ULK4: variants seen among roughly 807,000 people sequenced by gnomAD.
ULK4 encodes inactive serine/threonine-protein kinase ULK4.
Under a neutral mutation model 160.6 loss-of-function variants are expected in ULK4, and 133 were observed. The ratio of observed to expected loss-of-function variants is 0.83; its 90% confidence interval spans 0.72 to 0.96. ULK4 has a LOEUF of 0.96. Ranked by LOEUF, ULK4 falls within the 40% of genes least tolerant of loss-of-function variation. The probability of loss-of-function intolerance (pLI) is 0.00; values close to 1 mark genes in which losing one functional copy is unlikely to be tolerated. For synonymous variants in ULK4, 534 were observed against 539.8 expected, an observed-to-expected ratio of 0.99 and a Z score of 0.15; for missense variants, 1,580 against 1,499.5, an observed-to-expected ratio of 1.05 and a Z score of -0.89.
intron 32 of ULK4, among the ~76,000 whole-genome samples, chr3:41,502,434 C>G (rs991494997): frequency 2.0e-5 from 3 of 152,176 alleles, no homozygotes; most frequent in Non-Finnish European, 4.4e-5. Flanking sequence ...TATAACCCAG[C>G]AATCTCACCT....
chr3:41,463,012 TAAGAAAGAA>T, intron 33 of ULK4, 66 bp downstream of exon 33: 1 of 1,494,904 alleles, frequency 6.7e-7, no homozygotes, highest in Non-Finnish European at 9.1e-7. Context: ...TAGAGGAAGA[TAAGAAAGAA>T]GAGAATGAAA....
At chr3:41,892,414 G>A (rs1697999190) in intron 16 of ULK4, among the ~76,000 whole-genome samples, 2 of 152,146 alleles carry the variant, frequency 1.3e-5, no homozygotes, top group Admixed American at 6.5e-5. Flanking sequence ...CAGCAGCATT[G>A]TTCACAATAG....
At position 41,700,588 on chromosome 3, in the gene ULK4, G is replaced by A. The variant is rs556177483; in HGVS notation, c.2781+4469C>T. ...TGGCAGAGCCCTTAGGTGCCTGGCAGAAGGAAACATGCTATGGAGGAAGGA... is the reference window on the plus strand; with the variant it reads ...TGGCAGAGCCCTTAGGTGCCTGGCAAAAGGAAACATGCTATGGAGGAAGGA... On this transcript the variant is annotated intron_variant, in intron 27 of 36. Transcript: ENST00000301831. Among the ~76,000 whole-genome samples, 72 of 152,232 alleles carry A rather than the reference G, an allele frequency of 4.7e-4. 2 individuals are homozygous for A. Among genetic ancestry groups the A allele is most frequent in the African/African-American group, 1.6e-3 (66 of 41,526 alleles).
chr3:41,754,359 A>G lies in ULK4; in HGVS notation c.2321+2T>C, dbSNP rs772901897. 1.4e-5 allele frequency: 22 copies of G among 1,608,626 alleles called. No individual in the cohort carries two copies. Among genetic ancestry groups the G allele is most frequent in the Non-Finnish European group, 1.8e-5 (21 of 1,178,392 alleles). The stretch of plus-strand genomic sequence containing the variant: ...TGATGAAACCATCAGAGAAAATCTT[A>G]CCTTGCTTGGCAACTGAGCAGCAAC... On this transcript the variant is annotated splice_donor_variant, in intron 22 of 36. Transcript: ENST00000301831. LOFTEE classifies it high-confidence loss of function.
At position 41,626,273 on chromosome 3, in the gene ULK4, T is replaced by A. The variant is rs190405116; in HGVS notation, c.3072-10556A>T. Among the ~76,000 whole-genome samples the A allele has an allele frequency of 8.2e-3, 1,246 of 152,290 alleles. 9 individuals are homozygous for A. Among genetic ancestry groups the A allele is most frequent in the Non-Finnish European group, 0.012 (812 of 68,016 alleles). On this transcript the variant is annotated intron_variant, in intron 30 of 36. Coordinates refer to ENST00000301831, the MANE Select transcript of ULK4 (RefSeq NM_017886.4). ...TGTTACCCTTAATGTTGGAAAAAAA[T>A]TTTTTAATTTATTTATTAATGTTTG...
chr3:41,834,704 T>C (rs1360106837), intron 18 of ULK4, among the ~76,000 whole-genome samples: 1 of 152,232 alleles, frequency 6.6e-6, no homozygotes, highest in Non-Finnish European at 1.5e-5. Context: ...ACTAAGGATA[T>C]TGAGGTTATG....
intron 17 of ULK4, among the ~76,000 whole-genome samples, chr3:41,872,519 G>A (rs1697134550): frequency 6.6e-6 from 1 of 152,136 alleles, no homozygotes. Flanking sequence ...CCCTTGGTGT[G>A]AACTTAGCAC....
intron 32 of ULK4, among the ~76,000 whole-genome samples, chr3:41,499,844 G>A (rs1036070985): frequency 1.4e-4 from 22 of 152,046 alleles, no homozygotes; most frequent in Non-Finnish European, 3.1e-4. Flanking sequence ...ATAGTGTCTA[G>A]GTTTGAATGA....
At chr3:41,800,615 C>G (rs2040428025) in intron 19 of ULK4, among the ~76,000 whole-genome samples, 1 of 152,108 alleles carries the variant, frequency 6.6e-6, no homozygotes, top group Admixed American at 6.6e-5. Context: ...GGAAAATAAA[C>G]AAAATAACTA....
intron 33 of ULK4, among the ~76,000 whole-genome samples, chr3:41,459,816 G>A (rs1427833452): frequency 2.0e-5 from 3 of 152,174 alleles, no homozygotes; most frequent in African/African-American, 4.8e-5. Flanking sequence ...TGGGGTATGG[G>A]CAGCATGGAG....
At chr3:41,912,714 G>T (rs2148804628) in intron 9 of ULK4, 93 bp downstream of exon 9, 2 of 1,119,838 alleles carry the variant, frequency 1.8e-6, no homozygotes, top group Non-Finnish European at 2.6e-6. Context: ...CGAAAGCAGA[G>T]AAATTCCAGT....
chr3:41,883,754 T>C (rs1363689762), intron 17 of ULK4, 120 bp downstream of exon 17: 4 of 905,536 alleles, frequency 4.4e-6, no homozygotes, highest in African/African-American at 3.3e-5. Context: ...TTTAGAACGA[T>C]TGCCACAATC....
intron 4 of ULK4, 146 bp downstream of exon 4, chr3:41,935,655 C>G: frequency 1.0e-6 from 1 of 996,336 alleles, no homozygotes; most frequent in South Asian, 1.8e-5. Context: ...GCCACCGTGC[C>G]CTGCCTCCTT....
chr3:41,488,865 G>T (rs929752695), intron 32 of ULK4, among the ~76,000 whole-genome samples: 3 of 152,030 alleles, frequency 2.0e-5, no homozygotes, highest in African/African-American at 7.2e-5. Context: ...TCTGGCACAG[G>T]GGCATGATGT....
chr3:41,564,528 G>A (rs375529000), intron 32 of ULK4, among the ~76,000 whole-genome samples: 20 of 135,868 alleles, frequency 1.5e-4, no homozygotes, highest in South Asian at 1.4e-3. Context: ...GTGCAATCTC[G>A]GCTCACTGCA....
chr3:41,537,587 G>T (rs1403252474), intron 32 of ULK4, among the ~76,000 whole-genome samples: 1 of 152,116 alleles, frequency 6.6e-6, no homozygotes, highest in African/African-American at 2.4e-5. Flanking sequence ...TTTAACTCAT[G>T]GGGTTCTGGT....
At chr3:41,584,632 CTT>C (rs1432352402) in intron 31 of ULK4, among the ~76,000 whole-genome samples, 1 of 152,122 alleles carries the variant, frequency 6.6e-6, no homozygotes, top group African/African-American at 2.4e-5. Flanking sequence ...ACAGCAACAA[CTT>C]TCATAAACAA....
At chr3:41,626,957 C>A (rs2033543664) in intron 30 of ULK4, among the ~76,000 whole-genome samples, 1 of 152,062 alleles carries the variant, frequency 6.6e-6, no homozygotes, top group African/African-American at 2.4e-5. Context: ...TAAAGTAAAT[C>A]TGATAATATT....
chr3:41,754,294 C>A, intron 22 of ULK4, 67 bp downstream of exon 22: 4 of 1,520,124 alleles, frequency 2.6e-6, no homozygotes, highest in South Asian at 1.3e-5. Context: ...CAAGAAATAC[C>A]CTACAACTAC....
Sources: gnomAD v4.1 joint callset for allele counts (sites outside exome capture counted in the v4.1 genomes callset) on GRCh38, gnomAD v4.1.1 for gene constraint, MANE v1.5 for transcripts, NCBI Gene and HGNC (gene_info 2026-07-23, HGNC 2026-07-21) for gene names.